Variants in TBC1D5 observed in about 807,000 individuals in gnomAD.
TBC1D5 encodes TBC1 domain family member 5, also known as TBC1 domain family, member 5.
TBC1D5 carries 75 observed loss-of-function variants against 100.3 expected under a neutral mutation model. That is an observed-to-expected ratio of 0.75 (90% confidence interval 0.62 to 0.91). The LOEUF (loss-of-function observed/expected upper bound fraction) is 0.91, where lower values mean the gene tolerates loss of function less well. Among genes scored for constraint, TBC1D5 ranks in the 40% least tolerant of loss-of-function variants. The pLI, the probability that TBC1D5 is intolerant of heterozygous loss-of-function variation, is 0.00. For missense variants in TBC1D5, 910 were observed against 942.4 expected, an observed-to-expected ratio of 0.97 and a Z score of 0.45; for synonymous variants, 323 against 325.6, an observed-to-expected ratio of 0.99 and a Z score of 0.09.
At chr3:17,185,183 G>A (rs866613522) in exon 19 of TBC1D5, 2 of 1,613,290 alleles carry the variant, frequency 1.2e-6, no homozygotes, top group Non-Finnish European at 1.7e-6. Context: ...TTGAAGGAAG[G>A]AAATTTGGGC....
chr3:17,197,171 G>A (rs562784571), intron 18 of TBC1D5, among the ~76,000 whole-genome samples: 1 of 152,214 alleles, frequency 6.6e-6, no homozygotes, highest in South Asian at 2.1e-4. Flanking sequence ...CCCTTCCAAT[G>A]TCCACTTCCG....
At position 17,508,462 on chromosome 3, in the gene TBC1D5, T is replaced by C. The variant is rs73153073; in HGVS notation, c.97+12A>G. 0.029 allele frequency: 46,548 copies of C among 1,606,554 alleles called. 1,808 individuals are homozygous for C. The highest frequency in any genetic ancestry group is 0.18 in the African/African-American group (13,348 of 74,842). On this transcript the variant is annotated intron_variant, in intron 3 of 21. Transcript: ENST00000253692. Reference sequence around the variant, plus strand: ...ACACTACCTACAAATAGTATTGGCATACAAAACTCACCTCCAGACTTGTTA... The same window carrying C: ...ACACTACCTACAAATAGTATTGGCACACAAAACTCACCTCCAGACTTGTTA...
At chr3:17,349,258 CAT>C (rs1180594688) in intron 13 of TBC1D5, among the ~76,000 whole-genome samples, 3 of 152,198 alleles carry the variant, frequency 2.0e-5, no homozygotes, top group African/African-American at 7.2e-5. Context: ...CATGTTAAAA[CAT>C]AGATTCTTAG....
At chr3:17,362,964 C>A (rs1368110078) in intron 13 of TBC1D5, among the ~76,000 whole-genome samples, 1 of 152,050 alleles carries the variant, frequency 6.6e-6, no homozygotes, top group Non-Finnish European at 1.5e-5. Context: ...CCTTTTATAG[C>A]CATATTCATT....
At chr3:17,363,643 C>A (rs2091898941) in intron 13 of TBC1D5, among the ~76,000 whole-genome samples, 1 of 151,572 alleles carries the variant, frequency 6.6e-6, no homozygotes, top group East Asian at 1.9e-4. Flanking sequence ...AAACTCCTGG[C>A]CTCAAGATAT....
intron 1 of TBC1D5, among the ~76,000 whole-genome samples, chr3:17,721,394 T>C (rs1181873327): frequency 6.6e-6 from 1 of 152,186 alleles, no homozygotes; most frequent in African/African-American, 2.4e-5. Context: ...AATTCAGGTT[T>C]ACCGTAAGTT....
chr3:17,705,376 T>C (rs1308962930), intron 1 of TBC1D5, among the ~76,000 whole-genome samples: 6 of 113,586 alleles, frequency 5.3e-5, no homozygotes, highest in South Asian at 4.1e-4. Context: ...CCGGACGGGG[T>C]GGCTGCCGGG....
chr3:17,376,659 T>A (rs1256138644), intron 9 of TBC1D5, 46 bp from the exon 10 acceptor site: 1 of 1,548,678 alleles, frequency 6.5e-7, no homozygotes, highest in Non-Finnish European at 8.9e-7. Flanking sequence ...ATACTCAGAG[T>A]CCATTAGTGG....
chr3:17,391,884 G>T (rs2093361242), intron 8 of TBC1D5, among the ~76,000 whole-genome samples: 1 of 152,148 alleles, frequency 6.6e-6, no homozygotes, highest in African/African-American at 2.4e-5. Context: ...GCAGAGTACT[G>T]AAAGTATTGT....
chr3:17,652,563 A>C (rs1462199757), intron 1 of TBC1D5, among the ~76,000 whole-genome samples: 1 of 152,156 alleles, frequency 6.6e-6, no homozygotes, highest in Non-Finnish European at 1.5e-5. Flanking sequence ...AAATTCTTGG[A>C]CTCTAGCACT....
chr3:17,187,675 A>C (rs2069307509), intron 18 of TBC1D5, among the ~76,000 whole-genome samples: 1 of 152,212 alleles, frequency 6.6e-6, no homozygotes, highest in Non-Finnish European at 1.5e-5. Flanking sequence ...AGGAAACATA[A>C]GTTCTATTCC....
chr3:17,740,870 C>G (rs1032832762), exon 1 of TBC1D5: 4 of 152,196 alleles, frequency 2.6e-5, no homozygotes, highest in African/African-American at 9.7e-5. Flanking sequence ...GCACACCAAG[C>G]TTCTAATGGA....
At position 17,692,700 on chromosome 3, in the gene TBC1D5, C is replaced by A. The variant is rs575701691; in HGVS notation, c.-101+46643G>T. Among the ~76,000 whole-genome samples, 73 of 152,302 alleles carry A rather than the reference C, an allele frequency of 4.8e-4. 1 individual carries two copies. The Middle Eastern group carries it at 0.01, about 21-fold the overall frequency. On this transcript the variant is annotated intron_variant, in intron 1 of 21. Transcript: ENST00000253692. ...TAATGTCAATTAGATATAAAAGTTT[C>A]TAAATGCTTTCTCTGAATTTGTTTT... is the stretch of plus-strand genomic sequence containing the variant.
chr3:17,231,296 A>C (rs2075396493), intron 17 of TBC1D5, among the ~76,000 whole-genome samples: 1 of 152,200 alleles, frequency 6.6e-6, no homozygotes, highest in South Asian at 2.1e-4. Context: ...TTTGATAAAC[A>C]AAGTCTGCTG....
At chr3:17,638,807 A>C (rs2064216566) in intron 1 of TBC1D5, among the ~76,000 whole-genome samples, 1 of 152,130 alleles carries the variant, frequency 6.6e-6, no homozygotes, top group African/African-American at 2.4e-5. Flanking sequence ...TCTTAAAAAT[A>C]ATATTGAGAG....
rs148676415 is a variant in TBC1D5 at position 17,475,855 on chromosome 3, G to A, written c.97+32619C>T. The stretch of plus-strand genomic sequence containing the variant: ...ATGCCAAGTTATTTCCAAAATGTTT[G>A]AACCAACTTTAACTCCTATCAGCAA... On this transcript the variant is annotated intron_variant, in intron 3 of 21. Coordinates refer to ENST00000253692, the Ensembl canonical transcript of TBC1D5. 9.5e-3 allele frequency among the ~76,000 whole-genome samples: 1,451 copies of A among 152,090 alleles called. 16 individuals are homozygous for A. The highest frequency in any genetic ancestry group is 0.033 in the African/African-American group (1,350 of 41,498).
At chr3:17,324,025 TG>T (rs1366296230) in intron 13 of TBC1D5, among the ~76,000 whole-genome samples, 2 of 152,230 alleles carry the variant, frequency 1.3e-5, no homozygotes, top group Non-Finnish European at 2.9e-5. Context: ...CAAACATTTA[TG>T]GTCAATTGAT....
chr3:17,536,435 G>T (rs1056405668), intron 2 of TBC1D5, among the ~76,000 whole-genome samples: 1 of 152,152 alleles, frequency 6.6e-6, no homozygotes, highest in Non-Finnish European at 1.5e-5. Context: ...ACAATTTAAT[G>T]TTACCAAATA....
chr3:17,693,325 T>C (rs1011068783), intron 1 of TBC1D5, among the ~76,000 whole-genome samples: 1 of 152,174 alleles, frequency 6.6e-6, no homozygotes, highest in Non-Finnish European at 1.5e-5. Context: ...TTCCCTTTCC[T>C]AGCCAAGGGA....
Sources: gnomAD v4.1 joint callset for allele counts (sites outside exome capture counted in the v4.1 genomes callset) on GRCh38, gnomAD v4.1.1 for gene constraint, MANE v1.5 for transcripts, NCBI Gene and HGNC (gene_info 2026-07-23, HGNC 2026-07-21) for gene names.